RAP1A: variants seen among roughly 807,000 people sequenced by gnomAD.
The protein encoded by RAP1A is RAP1A, member of RAS oncogene family.
RAP1A carries 6 observed loss-of-function variants against 26.4 expected under a neutral mutation model. The observed-to-expected ratio is 0.23, with a 90% CI of 0.12 to 0.45. RAP1A has a LOEUF of 0.45. Among genes scored for constraint, RAP1A ranks in the 20% least tolerant of loss-of-function variants. The pLI is 0.99. For synonymous variants in RAP1A, 73 were observed against 79.4 expected (o/e 0.92, Z 0.43); for missense variants, 121 against 217.2 (o/e 0.56, Z 2.78).
At chr1:111,590,401 T>TA (rs1183617277) in intron 1 of RAP1A, among the ~76,000 whole-genome samples, 1 of 152,124 alleles carries the variant, frequency 6.6e-6, no homozygotes, top group Non-Finnish European at 1.5e-5. Flanking sequence ...ATACTAAGCA[T>TA]ATTATTTGCT....
intron 1 of RAP1A, chr1:111,686,789 A>G (rs1381517127): frequency 6.6e-6 from 1 of 151,724 alleles, no homozygotes; most frequent in African/African-American, 2.4e-5. Flanking sequence ...TAACTGTTTA[A>G]AGTAGGTAGG....
At chr1:111,640,591 A>G (rs570031928) in intron 1 of RAP1A, among the ~76,000 whole-genome samples, 1 of 152,320 alleles carries the variant, frequency 6.6e-6, no homozygotes, top group East Asian at 1.9e-4. Context: ...TCTTTTTTAT[A>G]ATTATTTTCC....
chr1:111,653,802 A>G (rs1660358399), intron 1 of RAP1A, among the ~76,000 whole-genome samples: 1 of 151,998 alleles, frequency 6.6e-6, no homozygotes, highest in African/African-American at 2.4e-5. Context: ...GGTCAGGGAG[A>G]GAAAAGAAGA....
At position 111,709,361 on chromosome 1, in the gene RAP1A, C is replaced by G. The variant is rs3738300; in HGVS notation, c.*29+97C>G. On this transcript the variant is annotated intron_variant, in intron 7 of 7. Transcript: ENST00000369709. The stretch of plus-strand genomic sequence containing the variant: ...TCCCATTTCATCTGTTATGGTATTT[C>G]TAAGCTTCTGTAACTTGTAAATGTG... The G allele has an allele frequency of 0.35, 461,547 of 1,320,662 alleles. 82,392 individuals are homozygous for G. The highest frequency in any genetic ancestry group is 0.45 in the East Asian group (16,483 of 36,506). 81.8% of individuals were successfully genotyped at this position (1,320,662 alleles called of 1,614,324 possible).
intron 1 of RAP1A, among the ~76,000 whole-genome samples, chr1:111,637,363 G>T (rs1044234027): frequency 6.6e-6 from 1 of 152,076 alleles, no homozygotes; most frequent in Admixed American, 6.5e-5. Flanking sequence ...AGCCTTTTTA[G>T]ATATTTTTCT....
Position 111,695,343 on chromosome 1 carries a change from A to T in RAP1A, c.60A>T (p.Thr20=). Residue 20 remains threonine, a splice_region_variant and synonymous_variant, in exon 3 of 8, where the codon ACA becomes ACT. Coordinates refer to ENST00000369709, the MANE Select transcript of RAP1A (RefSeq NM_002884.4). Reference sequence around the variant, plus strand: ...ATTTCTCTTTTTTTTTCCCCCAGACAGTTCAGTTTGTTCAGGGAATTTTTG... The same window carrying T: ...ATTTCTCTTTTTTTTTCCCCCAGACTGTTCAGTTTGTTCAGGGAATTTTTG... ...GSGGVGKSAL[T]VQFVQGIFVE... The T allele has an allele frequency of 6.4e-7, 1 of 1,567,870 alleles. No individual in the cohort carries two copies. The highest frequency in any genetic ancestry group is 8.6e-7 in the Non-Finnish European group (1 of 1,162,710).
chr1:111,551,345 T>C (rs950796947), intron 1 of RAP1A, among the ~76,000 whole-genome samples: 8 of 152,236 alleles, frequency 5.3e-5, no homozygotes, highest in African/African-American at 1.9e-4. Context: ...TCTTCTGTGT[T>C]AAATAGACAC....
chr1:111,676,830 GT>G lies in RAP1A; in HGVS notation c.-27-14502del, dbSNP rs1173597765. Reference sequence around the variant, plus strand: ...TTTTTAAGAGACCAAGTCTTTCTCTGTTGTGCAGGCTGGAGTGCAGTGGTAC... The same window carrying G: ...TTTTTAAGAGACCAAGTCTTTCTCTGTGTGCAGGCTGGAGTGCAGTGGTAC... On this transcript the variant is annotated intron_variant, in intron 1 of 7. Transcript: ENST00000369709. Among the ~76,000 whole-genome samples the G allele has an allele frequency of 2.0e-5, 3 of 150,390 alleles. No homozygotes were observed. In the East Asian group the frequency reaches 5.8e-4, roughly 29 times the overall value.
intron 1 of RAP1A, among the ~76,000 whole-genome samples, chr1:111,542,725 CTCACCCTG>C (rs1656883556): frequency 6.6e-6 from 1 of 151,498 alleles, no homozygotes. Context: ...GAGATGGAGT[CTCACCCTG>C]TCACCCAGGC....
chr1:111,583,876 CTTTT>C (rs71099920), intron 1 of RAP1A, among the ~76,000 whole-genome samples: 1 of 90,112 alleles, frequency 1.1e-5, no homozygotes, highest in African/African-American at 3.8e-5. Context: ...ATTGTTATTT[CTTTT>C]TTTTTTTTTT....
At chr1:111,557,374 C>G (rs532967783) in intron 1 of RAP1A, among the ~76,000 whole-genome samples, 7 of 151,998 alleles carry the variant, frequency 4.6e-5, no homozygotes, top group Non-Finnish European at 8.8e-5. Context: ...CGGTGAAACC[C>G]TGTCTCTACT....
intron 1 of RAP1A, among the ~76,000 whole-genome samples, chr1:111,561,298 A>AT (rs1275199582): frequency 6.6e-6 from 1 of 151,946 alleles, no homozygotes; most frequent in Admixed American, 6.6e-5. Flanking sequence ...TAATTTTTGT[A>AT]TTTTTTGTAA....
intron 1 of RAP1A, among the ~76,000 whole-genome samples, chr1:111,554,957 C>T (rs1657420220): frequency 6.6e-6 from 1 of 152,010 alleles, no homozygotes; most frequent in Non-Finnish European, 1.5e-5. Flanking sequence ...AAGTGACCTA[C>T]CGAGACTTTA....
chr1:111,705,833 A>G (rs1323440605), intron 6 of RAP1A, among the ~76,000 whole-genome samples: 5 of 152,224 alleles, frequency 3.3e-5, no homozygotes, highest in South Asian at 2.1e-4. Context: ...ACTATCTACA[A>G]GATAATTGGC....
rs145419345 is a variant in RAP1A, at chr1:111,655,976, A to G, written c.-27-35358A>G. On this transcript the variant is annotated intron_variant, in intron 1 of 7. Transcript: ENST00000369709. ...AAGTGCTGGGATTACAGGCTGAGCC[A>G]CCGCGCCCGGCCTCCTAATCTCTGA... Among the ~76,000 whole-genome samples the G allele has an allele frequency of 1.8e-3, 281 of 152,086 alleles. 1 individual carries two copies. Among genetic ancestry groups the G allele is most frequent in the African/African-American group, 6.4e-3 (267 of 41,462 alleles).
Position 111,715,322 on chromosome 1 carries a change from C to CCCG in RAP1A, c.*2923_*2924insGCC, listed in dbSNP as rs1662507383. Reference sequence around the variant, plus strand: ...TGAACTCCTGACTTCGTGATCCGCCCCCCCCTCAGCCTCCCAAAGTGCTGG... The same window carrying CCCG: ...TGAACTCCTGACTTCGTGATCCGCCCCCGCCCCCTCAGCCTCCCAAAGTGCTGG... On this transcript the variant is annotated 3_prime_UTR_variant, in exon 8 of 8. Transcript: ENST00000369709. 6.6e-6 allele frequency: 1 copy of CCCG among 151,104 alleles called. No individual in the cohort carries two copies. The highest frequency in any genetic ancestry group is 2.1e-4 in the South Asian group (1 of 4,790). 9.4% of individuals were successfully genotyped at this position (151,104 alleles called of 1,614,324 possible). A position where few individuals can be genotyped will look rare whatever the true frequency, so the allele number is the denominator to read the frequency against.
At chr1:111,572,235 C>T (rs140862205) in intron 1 of RAP1A, among the ~76,000 whole-genome samples, 10 of 152,354 alleles carry the variant, frequency 6.6e-5, no homozygotes, top group East Asian at 3.9e-4. Context: ...AAGGCTCTTG[C>T]ATTAAAAGGC....
intron 1 of RAP1A, among the ~76,000 whole-genome samples, chr1:111,591,020 GTTTTGTTT>G (rs1335568466): frequency 6.6e-6 from 1 of 152,120 alleles, no homozygotes; most frequent in Non-Finnish European, 1.5e-5. Context: ...GCCCTGGTAT[GTTTTGTTT>G]TTGTAGGTAG....
intron 1 of RAP1A, among the ~76,000 whole-genome samples, chr1:111,624,490 G>C (rs1236992212): frequency 6.6e-6 from 1 of 152,228 alleles, no homozygotes; most frequent in Non-Finnish European, 1.5e-5. Context: ...ACACAGTTGT[G>C]AGATGACTGG....
Sources: gnomAD v4.1 joint callset for allele counts (sites outside exome capture counted in the v4.1 genomes callset) on GRCh38, gnomAD v4.1.1 for gene constraint, MANE v1.5 for transcripts, NCBI Gene and HGNC (gene_info 2026-07-23, HGNC 2026-07-21) for gene names.